Variants in PCBD2 observed in about 807,000 individuals in gnomAD.
The protein encoded by PCBD2 is pterin-4 alpha-carbinolamine dehydratase 2.
PCBD2 carries 12 observed loss-of-function variants against 16.4 expected under a neutral mutation model. The ratio of observed to expected loss-of-function variants is 0.73; its 90% CI spans 0.47 to 1.19. The LOEUF (loss-of-function observed/expected upper bound fraction) is 1.19. Among genes scored for constraint, PCBD2 ranks in the 50% most tolerant of loss-of-function variants. The pLI is 0.00. For synonymous variants in PCBD2, 58 were observed against 61.8 expected (o/e 0.94, Z 0.29); for missense variants, 138 against 156.8 (o/e 0.88, Z 0.64).
At chr5:134,917,158 C>T (rs1041516334) in intron 2 of PCBD2, among the ~76,000 whole-genome samples, 1 of 152,172 alleles carries the variant, frequency 6.6e-6, no homozygotes, top group African/African-American at 2.4e-5. Context: ...ATGGGATGAA[C>T]TGGAAGCTTA....
At chr5:134,958,484 G>C (rs1751438553) in intron 2 of PCBD2, among the ~76,000 whole-genome samples, 1 of 152,200 alleles carries the variant, frequency 6.6e-6, no homozygotes, top group Admixed American at 6.5e-5. Context: ...CTGGGCTTCT[G>C]TTTCACTCTA....
rs1751491327 is a variant in PCBD2 at position 134,962,537 on chromosome 5, G to A, written c.*1856G>A. Reference sequence around the variant, plus strand: ...CAAAGTGCTGGGATTACAGGCGTGAGCCACTGCGCCTGGCCTATAACAATT... The same window carrying A: ...CAAAGTGCTGGGATTACAGGCGTGAACCACTGCGCCTGGCCTATAACAATT... On this transcript the variant is annotated 3_prime_UTR_variant, in exon 4 of 4. Coordinates refer to ENST00000254908, the MANE Select transcript of PCBD2 (RefSeq NM_032151.5). Among the ~76,000 whole-genome samples, 1 of 152,184 alleles carries A rather than the reference G, an allele frequency of 6.6e-6. No individual in the cohort carries two copies. The highest frequency in any genetic ancestry group is 2.4e-5 in the African/African-American group (1 of 41,456).
chr5:134,945,181 C>T (rs945816134), intron 2 of PCBD2, among the ~76,000 whole-genome samples: 1 of 152,170 alleles, frequency 6.6e-6, no homozygotes, highest in Non-Finnish European at 1.5e-5. Flanking sequence ...AATGGCAGTG[C>T]ACTCCTCCTC....
chr5:134,942,948 TAAATA>T (rs879301423), intron 2 of PCBD2, among the ~76,000 whole-genome samples: 6 of 152,198 alleles, frequency 3.9e-5, no homozygotes, highest in Non-Finnish European at 7.4e-5. Flanking sequence ...ATCAAATACA[TAAATA>T]AAGTAACTAT....
intron 2 of PCBD2, among the ~76,000 whole-genome samples, chr5:134,914,022 T>C (rs534019716): frequency 9.1e-4 from 138 of 152,090 alleles, no homozygotes; most frequent in African/African-American, 3.2e-3. Flanking sequence ...AATGGAGTTA[T>C]TGGGTTAGGA....
intron 2 of PCBD2, chr5:134,928,127 G>A: frequency 2.5e-6 from 1 of 392,384 alleles, no homozygotes. Context: ...CTTGCAGGCA[G>A]CAAAGACTAG....
intron 2 of PCBD2, among the ~76,000 whole-genome samples, chr5:134,953,126 G>A (rs1216590882): frequency 2.0e-5 from 3 of 151,216 alleles, no homozygotes; most frequent in African/African-American, 7.3e-5. Context: ...TATTTTGATT[G>A]GTTGGATTTA....
intron 2 of PCBD2, among the ~76,000 whole-genome samples, chr5:134,943,361 C>T (rs1236220999): frequency 3.3e-5 from 5 of 152,110 alleles, no homozygotes; most frequent in Admixed American, 1.3e-4. Context: ...CATGAATTAG[C>T]AAGTGGGGCC....
intron 2 of PCBD2, among the ~76,000 whole-genome samples, chr5:134,937,111 T>C (rs554847793): frequency 3.9e-4 from 59 of 152,362 alleles, no homozygotes; most frequent in African/African-American, 1.3e-3. Flanking sequence ...GTATTGACTT[T>C]ATTTTTATTT....
intron 2 of PCBD2, among the ~76,000 whole-genome samples, chr5:134,956,764 C>T (rs1399056646): frequency 1.3e-5 from 2 of 152,186 alleles, no homozygotes; most frequent in Non-Finnish European, 2.9e-5. Context: ...TTCTCAAGCC[C>T]ATGGAGAGCT....
intron 2 of PCBD2, among the ~76,000 whole-genome samples, chr5:134,913,842 G>A (rs569098993): frequency 1.3e-5 from 2 of 152,270 alleles, no homozygotes; most frequent in South Asian, 4.1e-4. Flanking sequence ...GTGTGATAGG[G>A]GAGGGTCAAG....
chr5:134,938,050 A>G (rs933453435), intron 2 of PCBD2, among the ~76,000 whole-genome samples: 2 of 152,214 alleles, frequency 1.3e-5, no homozygotes, highest in Admixed American at 6.5e-5. Context: ...GTGCAGAACA[A>G]AATTATCCAG....
chr5:134,950,352 A>C (rs533733446), intron 2 of PCBD2, among the ~76,000 whole-genome samples: 1 of 152,364 alleles, frequency 6.6e-6, no homozygotes, highest in South Asian at 2.1e-4. Context: ...AAGAATGTAT[A>C]TCAAAGAGAC....
chr5:134,905,325 C>A, intron 1 of PCBD2, 102 bp downstream of exon 1: 1 of 1,053,366 alleles, frequency 9.5e-7, no homozygotes, highest in Non-Finnish European at 1.2e-6. Context: ...GCGAACCCGG[C>A]GTGGGCCGAG....
At chr5:134,958,165 G>A (rs1253889425) in intron 2 of PCBD2, among the ~76,000 whole-genome samples, 1 of 152,184 alleles carries the variant, frequency 6.6e-6, no homozygotes, top group Non-Finnish European at 1.5e-5. Flanking sequence ...GTCTTACCAA[G>A]TATTTGTGCA....
chr5:134,955,571 G>A (rs1751406268), intron 2 of PCBD2, among the ~76,000 whole-genome samples: 1 of 151,960 alleles, frequency 6.6e-6, no homozygotes, highest in African/African-American at 2.4e-5. Context: ...GCCTCCAAAA[G>A]TGCTGGGATA....
chr5:134,927,139 C>A (rs1452823207), intron 2 of PCBD2: 2 of 398,394 alleles, frequency 5.0e-6, no homozygotes, highest in African/African-American at 4.1e-5. Context: ...ATGAGGATGG[C>A]TGTTACTACG....
At chr5:134,906,194 ATTTT>A (rs1158334317) in intron 1 of PCBD2, among the ~76,000 whole-genome samples, 25 of 66,520 alleles carry the variant, frequency 3.8e-4, no homozygotes, top group East Asian at 2.7e-3. Context: ...TAATAGAAGA[ATTTT>A]TTTTTTTTTT....
At chr5:134,905,385 C>G (rs745834803) in intron 1 of PCBD2, 162 bp downstream of exon 1, 5 of 521,570 alleles carry the variant, frequency 9.6e-6, no homozygotes, top group Admixed American at 4.5e-5. Flanking sequence ...GACCACCTGT[C>G]CGGTGCGCCG....
Sources: allele counts gnomAD v4.1 joint callset (sites outside exome capture counted in the v4.1 genomes callset), GRCh38; gene constraint gnomAD v4.1.1; transcripts MANE v1.5; gene names NCBI Gene and HGNC (gene_info 2026-07-23, HGNC 2026-07-21).